Variants in AFF1 observed in about 807,000 individuals in gnomAD.
AFF1 encodes AF4/FMR2 family member 1.
AFF1 carries 48 observed loss-of-function variants against 121.7 expected under a neutral mutation model. The observed-to-expected ratio is 0.39, with a 90% CI of 0.31 to 0.50. AFF1 has a LOEUF of 0.50. Among genes scored for constraint, AFF1 ranks in the 20% least tolerant of loss-of-function variants. AFF1 has a pLI of 0.76. For synonymous variants in AFF1, 613 were observed against 563.0 expected (o/e 1.09, Z -1.26); for missense variants, 1,523 against 1,511.7 (o/e 1.01, Z -0.12).
At chr4:87,058,758 AG>A (rs1257730432) in intron 4 of AFF1, among the ~76,000 whole-genome samples, 1 of 152,064 alleles carries the variant, frequency 6.6e-6, no homozygotes, top group Non-Finnish European at 1.5e-5. Flanking sequence ...CCACAGCAAA[AG>A]CTCTGGAGAC....
chr4:87,024,598 C>T (rs1728342647), intron 2 of AFF1, among the ~76,000 whole-genome samples: 1 of 147,568 alleles, frequency 6.8e-6, no homozygotes, highest in Admixed American at 6.8e-5. Flanking sequence ...CTTTAGGATC[C>T]TGCTTTTTTT....
At chr4:86,943,670 C>T (rs934217143) in intron 1 of AFF1, among the ~76,000 whole-genome samples, 10 of 151,844 alleles carry the variant, frequency 6.6e-5, no homozygotes, top group African/African-American at 2.2e-4. Flanking sequence ...ACAAAAAATA[C>T]AAAAATTAGC....
rs548348509 is a variant in AFF1 at position 86,994,892 on chromosome 4, G to A, written c.38+46321G>A. Among the ~76,000 whole-genome samples the A allele has an allele frequency of 2.6e-3, 392 of 152,270 alleles. 2 individuals are homozygous for A. Among genetic ancestry groups the A allele is most frequent in the Non-Finnish European group, 4.4e-3 (300 of 68,020 alleles). ...GGGGACAGAGAGAGGTTTGGTGGAT[G>A]ATAAGGCTACTGAAGTTGGTCCAAA... On this transcript the variant is annotated intron_variant, in intron 2 of 20. Transcript: ENST00000395146.
intron 2 of AFF1, among the ~76,000 whole-genome samples, chr4:87,014,300 C>T (rs561383093): frequency 6.6e-6 from 1 of 152,226 alleles, no homozygotes; most frequent in African/African-American, 2.4e-5. Context: ...CTACCACACA[C>T]AGCCCAGTTT....
At chr4:86,988,141 A>G (rs1046452748) in intron 2 of AFF1, among the ~76,000 whole-genome samples, 73 of 152,178 alleles carry the variant, frequency 4.8e-4, no homozygotes, top group African/African-American at 1.4e-3. Context: ...GGCAATTAGG[A>G]TGTTCATCAC....
At chr4:87,124,897 A>C in intron 12 of AFF1, 140 bp from the exon 13 acceptor site, 1 of 489,668 alleles carries the variant, frequency 2.0e-6, no homozygotes, top group Non-Finnish European at 3.6e-6. Context: ...CACACATGGT[A>C]AGTACTAAGA....
chr4:87,101,461 C>G (rs1474738501), intron 8 of AFF1, among the ~76,000 whole-genome samples: 6 of 152,126 alleles, frequency 3.9e-5, no homozygotes, highest in Non-Finnish European at 2.9e-5. Context: ...CCTTTGGTCC[C>G]AGCTACTCAG....
intron 2 of AFF1, among the ~76,000 whole-genome samples, chr4:87,026,465 A>T (rs1344212118): frequency 6.6e-6 from 1 of 152,110 alleles, no homozygotes; most frequent in African/African-American, 2.4e-5. Flanking sequence ...CATGTTGCTG[A>T]GCCTCCTCTC....
intron 12 of AFF1, among the ~76,000 whole-genome samples, chr4:87,122,647 T>TA (rs933754035): frequency 6.6e-6 from 1 of 152,166 alleles, no homozygotes; most frequent in African/African-American, 2.4e-5. Context: ...TCTAATGAAT[T>TA]ATTACATTTC....
At chr4:86,973,252 T>A (rs1026431299) in intron 2 of AFF1, among the ~76,000 whole-genome samples, 1 of 152,030 alleles carries the variant, frequency 6.6e-6, no homozygotes, top group African/African-American at 2.4e-5. Flanking sequence ...TGGATTAGCA[T>A]TGGCAGAGCT....
At chr4:87,096,221 G>T (rs995571672) in intron 8 of AFF1, among the ~76,000 whole-genome samples, 1 of 151,766 alleles carries the variant, frequency 6.6e-6, no homozygotes, top group African/African-American at 2.4e-5. Context: ...TGTGATACTG[G>T]TAGATGATGA....
intron 1 of AFF1, among the ~76,000 whole-genome samples, chr4:86,939,726 C>G (rs376609479): frequency 4.6e-5 from 7 of 152,198 alleles, no homozygotes; most frequent in African/African-American, 1.7e-4. Flanking sequence ...ATATGTGCAG[C>G]CTGGCAGTAG....
At chr4:86,943,627 C>G (rs1159415997) in intron 1 of AFF1, among the ~76,000 whole-genome samples, 1 of 152,108 alleles carries the variant, frequency 6.6e-6, no homozygotes, top group East Asian at 1.9e-4. Context: ...ATTTTCGGGA[C>G]CAGCCTGGGC....
At chr4:87,110,637 T>A (rs980826912) in intron 11 of AFF1, among the ~76,000 whole-genome samples, 8 of 151,738 alleles carry the variant, frequency 5.3e-5, no homozygotes, top group African/African-American at 1.9e-4. Context: ...ATGCTCTTTT[T>A]AAAAAAAAAT....
Position 87,046,221 on chromosome 4 carries a change from C to T in AFF1, c.94C>T (p.Gln32Ter). The T allele has an allele frequency of 6.2e-7, 1 of 1,613,930 alleles. No individual in the cohort carries two copies. Among genetic ancestry groups the T allele is most frequent in the Non-Finnish European group, 8.5e-7 (1 of 1,179,960 alleles). Residue 32 changes from glutamine (Q) to a stop codon, truncating the protein, a stop_gained, in exon 3 of 21, where the codon CAG becomes TAG. Transcript: ENST00000395146. LOFTEE classifies it high-confidence loss of function. ...AATTAGAGAGAAGGAAAGACGCAAC[C>T]AGGAAGCCCACCAAGAGAAAGAGGC... Reference protein sequence around the residue: ...LRIREKERRNQEAHQEKEAFP... With the variant: ...LRIREKERRN
chr4:86,948,608 A>AT (rs748697132), intron 2 of AFF1, 37 bp downstream of exon 2: 5 of 1,519,062 alleles, frequency 3.3e-6, no homozygotes, highest in Non-Finnish European at 4.4e-6. Context: ...ACATGCTGAT[A>AT]TTTAATTTTA....
intron 2 of AFF1, among the ~76,000 whole-genome samples, chr4:87,023,739 A>T (rs778828856): frequency 6.6e-6 from 1 of 152,240 alleles, no homozygotes. Context: ...AATGTCCAAC[A>T]TTTGGAATAA....
At chr4:87,034,514 G>A (rs927727121) in intron 2 of AFF1, among the ~76,000 whole-genome samples, 1 of 152,160 alleles carries the variant, frequency 6.6e-6, no homozygotes, top group East Asian at 1.9e-4. Flanking sequence ...TCATCCTAGA[G>A]GTAGCTTTCT....
At chr4:87,065,681 C>T (rs1478644735) in intron 4 of AFF1, among the ~76,000 whole-genome samples, 2 of 152,140 alleles carry the variant, frequency 1.3e-5, no homozygotes, top group African/African-American at 4.8e-5. Flanking sequence ...GGGGCAGTGT[C>T]AGAAGAAAAA....
Sources: allele counts gnomAD v4.1 joint callset (sites outside exome capture counted in the v4.1 genomes callset), GRCh38; gene constraint gnomAD v4.1.1; transcripts MANE v1.5; gene names NCBI Gene and HGNC (gene_info 2026-07-23, HGNC 2026-07-21).